TRMT1: variants seen among roughly 807,000 people sequenced by gnomAD.
TRMT1 encodes the protein tRNA (guanine(26)-N(2))-dimethyltransferase.
A neutral mutation model predicts 75.4 loss-of-function variants in TRMT1; 63 were observed. That is an observed-to-expected ratio of 0.84 (90% CI 0.68 to 1.03). The LOEUF (loss-of-function observed/expected upper bound fraction) is 1.03, where lower values mean the gene tolerates loss of function less well. TRMT1 is among the 50% of genes least tolerant of loss of function. The pLI, the probability that TRMT1 is intolerant of heterozygous loss-of-function variation, is 0.00. For missense variants in TRMT1, 870 were observed against 905.3 expected (o/e 0.96, Z 0.50); for synonymous variants, 382 against 358.1 (o/e 1.07, Z -0.75).
chr19:13,116,571 A>T (rs2019375213), intron 1 of TRMT1, 82 bp downstream of exon 1: 1 of 926,614 alleles, frequency 1.1e-6, no homozygotes, highest in Non-Finnish European at 1.6e-6. Context: ...TTTGGGGATG[A>T]CTGGTCCCTG....
rs891247455 is a variant in TRMT1, at chr19:13,106,123, C to T, written c.1584-517G>A. Among the ~76,000 whole-genome samples the T allele has an allele frequency of 5.3e-5, 8 of 151,952 alleles. 1 individual carries two copies. Among genetic ancestry groups the T allele is most frequent in the Admixed American group, 4.6e-4 (7 of 15,268 alleles). ...CTGCCCAGGCTGGAGTGCAGTGGTG[C>T]GATCGCCATCAAAGCTGCAGTCTGG... On this transcript the variant is annotated intron_variant, in intron 14 of 16. Coordinates refer to ENST00000357720, the MANE Select transcript of TRMT1 (RefSeq NM_001136035.4).
rs1330337067 is a variant in TRMT1, at chr19:13,115,744, G to A, written c.335C>T (p.Thr112Met). ...IQIKVPGEKD[T>M]QKVVVDLSEQ... Reference sequence around the variant, plus strand: ...TGACAAGTCCACGACCACTTTTTGCGTGTCCTTCTCTCCTGGAACCTTGAC... The same window carrying A: ...TGACAAGTCCACGACCACTTTTTGCATGTCCTTCTCTCCTGGAACCTTGAC... Residue 112 changes from threonine (T) to methionine (M), a missense_variant, in exon 4 of 17, where the codon ACG becomes ATG. Thr to Met is a moderately conservative substitution (Grantham distance 81). Coordinates refer to ENST00000357720, the MANE Select transcript of TRMT1 (RefSeq NM_001136035.4). 21 of 1,613,752 alleles carry A rather than the reference G, an allele frequency of 1.3e-5. 1 individual carries two copies. The East Asian group carries it at 1.3e-4, about 10-fold the overall frequency.
Position 13,109,994 on chromosome 19 carries a change from C to A in TRMT1, c.1027G>T (p.Ala343Ser). Reference protein sequence around the residue: ...AKVKASASKQALVFQCVGCGA... With the variant: ...AKVKASASKQSLVFQCVGCGA... ...CAGCCCACACACTGGAACACCAGCG[C>A]CTGCTTGCTGTGGGGGGTACCAGTG... is the stretch of plus-strand genomic sequence containing the variant. Residue 343 changes from alanine to serine, a missense_variant, in exon 9 of 17, where the codon GCG becomes TCG. Coordinates refer to ENST00000357720, the MANE Select transcript of TRMT1 (RefSeq NM_001136035.4). The A allele has an allele frequency of 6.2e-7, 1 of 1,613,400 alleles. No homozygotes were observed. Among genetic ancestry groups the A allele is most frequent in the Non-Finnish European group, 8.5e-7 (1 of 1,179,926 alleles).
intron 14 of TRMT1, among the ~76,000 whole-genome samples, chr19:13,107,143 T>TA (rs1467936436): frequency 6.9e-6 from 1 of 144,592 alleles, no homozygotes; most frequent in Non-Finnish European, 1.5e-5. Flanking sequence ...GCTATTTTTT[T>TA]ATTCTTTTTG....
At position 13,105,007 on chromosome 19, in the gene TRMT1, G is replaced by A. The variant is rs750070085; in HGVS notation, c.1908C>T (p.Ala636=). The A allele has an allele frequency of 1.1e-5, 18 of 1,613,282 alleles. No individual in the cohort carries two copies. Among genetic ancestry groups the A allele is most frequent in the Non-Finnish European group, 1.4e-5 (17 of 1,179,732 alleles). Reference sequence around the variant, plus strand: ...GGTTGGAGGTCTCTGGACAGTCAGGGGCAGCATCAGCAGAAACCCTGGGTG... The same window carrying A: ...GGTTGGAGGTCTCTGGACAGTCAGGAGCAGCATCAGCAGAAACCCTGGGTG... ...PPTPRVSADA[A]PDCPETSNQT... The change falls in exon 17 of 17, where the codon GCC becomes GCT. Residue 636 remains alanine, a synonymous_variant. Coordinates refer to ENST00000357720, the MANE Select transcript of TRMT1 (RefSeq NM_001136035.4).
At chr19:13,113,954 G>A (rs2019238016) in intron 5 of TRMT1, among the ~76,000 whole-genome samples, 1 of 152,000 alleles carries the variant, frequency 6.6e-6, no homozygotes, top group Admixed American at 6.6e-5. Flanking sequence ...GTGTTGCCTA[G>A]GCTGGTCTTG....
chr19:13,110,242 G>A lies in TRMT1; in HGVS notation c.935C>T (p.Pro312Leu), dbSNP rs1401035224. ...GAAGTCAGCGCTGATGCTGAGCAGC[G>A]GCACCACGAAGCGCTGGTAGCAGTT... Reference protein sequence around the residue: ...RANCYQRFVVPLLSISADFYV... With the variant: ...RANCYQRFVVLLLSISADFYV... The change falls in exon 8 of 17, where the codon CCG (proline) becomes CTG (leucine). Residue 312 changes from proline to leucine, a missense_variant. By Grantham distance (98) the Pro-to-Leu change is moderately conservative. Transcript: ENST00000357720. The A allele has an allele frequency of 1.1e-5, 17 of 1,613,164 alleles. No individual in the cohort carries two copies. Among genetic ancestry groups the A allele is most frequent in the East Asian group, 2.2e-5 (1 of 44,870 alleles).
At position 13,109,380 on chromosome 19, in the gene TRMT1, C is replaced by T. The variant is rs2019029075; in HGVS notation, c.1397+1G>A. The T allele has an allele frequency of 6.2e-7, 1 of 1,612,488 alleles. No homozygotes were observed. The highest frequency in any genetic ancestry group is 2.2e-5 in the East Asian group (1 of 44,874). On this transcript the variant is annotated splice_donor_variant, in intron 12 of 16. Transcript: ENST00000357720. LOFTEE classifies it high-confidence loss of function. ...CTCCTCCCGACCCCAGGGGCTCTTACCGCAACTGCAGGAGGCTTGGTGTGT... is the reference window on the plus strand; with the variant it reads ...CTCCTCCCGACCCCAGGGGCTCTTATCGCAACTGCAGGAGGCTTGGTGTGT...
chr19:13,115,343 T>A lies in TRMT1; in HGVS notation c.577A>T (p.Ile193Leu). ...TCATTGAGCTGGACATTCCGGCGTATGAGATCCACAGCCCGGGTGGAGGCA... is the reference window on the plus strand; with the variant it reads ...TCATTGAGCTGGACATTCCGGCGTAAGAGATCCACAGCCCGGGTGGAGGCA... ...NDASTRAVDL[I>L]RRNVQLNDVA... Residue 193 changes from isoleucine to leucine, a missense_variant, in exon 5 of 17, where the codon ATA (isoleucine) becomes TTA (leucine). Ile to Leu is a conservative substitution (Grantham distance 5, BLOSUM62 2). Transcript: ENST00000357720. The A allele has an allele frequency of 6.2e-7, 1 of 1,610,832 alleles. No individual in the cohort carries two copies. The highest frequency in any genetic ancestry group is 1.1e-5 in the South Asian group (1 of 90,988).
At chr19:13,112,873 C>G in intron 6 of TRMT1, 23 bp downstream of exon 6, 2 of 1,612,716 alleles carry the variant, frequency 1.2e-6, no homozygotes, top group Non-Finnish European at 1.7e-6. Context: ...CCTGCTCCCA[C>G]CCCAGTGCCA....
chr19:13,109,943 C>A lies in TRMT1; in HGVS notation c.1078G>T (p.Gly360Cys), dbSNP rs753225455. The part of the protein sequence containing the change: ...GCGAFHLQRL[G>C]KASGVPSGRA... ...CCGCTGGGGACTCCTGACGCTTTGC[C>A]GAGACGCTGAAGGTGGAAGGCCCCG... The change falls in exon 9 of 17, where the codon GGC becomes TGC. Residue 360 changes from glycine (G) to cysteine (C), a missense_variant. Gly to Cys is a radical substitution (Grantham distance 159). Coordinates refer to ENST00000357720, the MANE Select transcript of TRMT1 (RefSeq NM_001136035.4). The A allele has an allele frequency of 1.8e-5, 29 of 1,613,836 alleles. 1 individual carries two copies. The South Asian group carries it at 3.2e-4, about 18-fold the overall frequency.
At chr19:13,115,540 A>G (rs1313163600) in intron 4 of TRMT1, 74 bp from the exon 5 acceptor site, 1 of 1,597,978 alleles carries the variant, frequency 6.3e-7, no homozygotes, top group African/African-American at 1.3e-5. Flanking sequence ...AGCCCCCACC[A>G]CCCACCTCCT....
Position 13,110,147 on chromosome 19 carries a change from C to A in TRMT1, c.1019+11G>T. The A allele has an allele frequency of 6.2e-7, 1 of 1,611,950 alleles. No individual in the cohort carries two copies. The highest frequency in any genetic ancestry group is 1.1e-5 in the South Asian group (1 of 90,968). ...TCTCAATCCACCACCGCTCTCTGCC[C>A]CCGGGCTGACCTGGCTGAGGCCTTG... On this transcript the variant is annotated intron_variant, in intron 8 of 16. Transcript: ENST00000357720.
intron 15 of TRMT1, 25 bp downstream of exon 15, chr19:13,105,457 GAGCCC>G: frequency 1.2e-6 from 2 of 1,613,926 alleles, no homozygotes; most frequent in South Asian, 2.2e-5. Flanking sequence ...TTCCCTGGCT[GAGCCC>G]CACCCCCACC....
At chr19:13,115,907 A>T (rs1272183142) in intron 3 of TRMT1, 90 bp downstream of exon 3, 1 of 1,610,414 alleles carries the variant, frequency 6.2e-7, no homozygotes, top group Admixed American at 1.7e-5. Flanking sequence ...ATGTGGCTGA[A>T]GCCCCTCTGG....
In TRMT1 at chr19:13,107,923, C is replaced by T. The variant is rs2018956492; in HGVS notation, c.1398-64G>A. 7.2e-6 allele frequency: 10 copies of T among 1,387,036 alleles called. No homozygotes were observed. The South Asian group carries it at 1.1e-4, about 16-fold the overall frequency. The allele number at this position is 1,387,036 out of a possible 1,614,324, so 85.9% of individuals were successfully genotyped here. ...CCTTGACCCCAAAGCCCAAGCTGAC[C>T]AGCGTAGGTAAGACTACCTTCGGCA... On this transcript the variant is annotated intron_variant, in intron 12 of 16. Transcript: ENST00000357720.
chr19:13,109,512 A>G (rs750731049), intron 11 of TRMT1, 38 bp downstream of exon 11: 5 of 1,613,996 alleles, frequency 3.1e-6, no homozygotes, highest in East Asian at 2.2e-5. Context: ...GGACGGGCAC[A>G]GGTGGAGCCC....
chr19:13,112,758 A>G lies in TRMT1; in HGVS notation c.817T>C (p.Cys273Arg). Reference sequence around the variant, plus strand: ...GCCATGGCCCCGTACTTGCTGTAGCACGTCTCCCCGCTGTTCCCCGCCAAC... The same window carrying G: ...GCCATGGCCCCGTACTTGCTGTAGCGCGTCTCCCCGCTGTTCCCCGCCAAC... ...AVLAGNSGETCYSKYGAMALK... is the reference protein window; with the variant it reads ...AVLAGNSGETRYSKYGAMALK... Residue 273 changes from cysteine (C) to arginine (R), a missense_variant, in exon 7 of 17, where the codon TGC (cysteine) becomes CGC (arginine). Cys to Arg is a radical substitution (Grantham distance 180, BLOSUM62 -3). Transcript: ENST00000357720. 1 of 1,613,798 alleles carries G rather than the reference A, an allele frequency of 6.2e-7. No homozygotes were observed. Among genetic ancestry groups the G allele is most frequent in the Non-Finnish European group, 8.5e-7 (1 of 1,179,990 alleles).
intron 16 of TRMT1, 26 bp from the exon 17 acceptor site, chr19:13,105,107 C>T (rs746162494): frequency 6.4e-7 from 1 of 1,562,488 alleles, no homozygotes; most frequent in East Asian, 2.2e-5. Context: ...TGGGTGTGAA[C>T]CCCTGCCCGG....
Sources: allele counts gnomAD v4.1 joint callset (sites outside exome capture counted in the v4.1 genomes callset), GRCh38; gene constraint gnomAD v4.1.1; transcripts MANE v1.5; gene names NCBI Gene and HGNC (gene_info 2026-07-23, HGNC 2026-07-21).